The following VMP1 variants were observed in gnomAD, a reference collection of about 807,000 sequenced individuals.
The protein encoded by VMP1 is vacuole membrane protein 1.
In VMP1, 11 loss-of-function variants were observed where a neutral mutation model predicts 56.0. The observed-to-expected ratio is 0.20, with a 90% confidence interval of 0.12 to 0.32. VMP1 has a LOEUF of 0.32. VMP1 is among the 10% of genes least tolerant of loss of function. The pLI, the probability that VMP1 is intolerant of heterozygous loss-of-function variation, is 1.00. For missense variants in VMP1, 296 were observed against 490.3 expected, an observed-to-expected ratio of 0.60 and a Z score of 3.74; for synonymous variants, 149 against 165.0, an observed-to-expected ratio of 0.90 and a Z score of 0.74.
At chr17:59,791,993 C>G (rs1050267395) in intron 7 of VMP1, among the ~76,000 whole-genome samples, 1 of 151,968 alleles carries the variant, frequency 6.6e-6, no homozygotes, top group Non-Finnish European at 1.5e-5. Context: ...TTCTATTGGC[C>G]GGGTGCCATG....
At chr17:59,801,107 T>C (rs1451457277) in intron 7 of VMP1, among the ~76,000 whole-genome samples, 1 of 128,254 alleles carries the variant, frequency 7.8e-6, no homozygotes, top group African/African-American at 4.0e-5. Flanking sequence ...TATATATATA[T>C]ATATATGTGT....
chr17:59,830,592 G>T (rs896594130), intron 10 of VMP1, among the ~76,000 whole-genome samples: 1 of 152,074 alleles, frequency 6.6e-6, no homozygotes, highest in South Asian at 2.1e-4. Flanking sequence ...AGAGGCTATC[G>T]CCTCCTTACT....
intron 1 of VMP1, among the ~76,000 whole-genome samples, chr17:59,728,637 G>A (rs551835933): frequency 2.4e-4 from 37 of 151,966 alleles, no homozygotes; most frequent in Non-Finnish European, 4.4e-4. Flanking sequence ...CCAGGAGTTC[G>A]AGACCAGCCT....
At chr17:59,725,918 A>G (rs1381900034) in intron 1 of VMP1, among the ~76,000 whole-genome samples, 1 of 152,246 alleles carries the variant, frequency 6.6e-6, no homozygotes, top group East Asian at 1.9e-4. Flanking sequence ...ATAATTGTGC[A>G]ATACCATTGT....
chr17:59,767,184 T>A (rs2036263770), intron 6 of VMP1, among the ~76,000 whole-genome samples: 1 of 152,122 alleles, frequency 6.6e-6, no homozygotes, highest in Admixed American at 6.6e-5. Context: ...CCACTAACAA[T>A]TTCTTAGGAA....
chr17:59,724,228 A>G (rs1349622257), intron 1 of VMP1, among the ~76,000 whole-genome samples: 1 of 116,636 alleles, frequency 8.6e-6, no homozygotes, highest in Non-Finnish European at 1.8e-5. Context: ...AAAAAAAAAG[A>G]AAGAAAAGAA....
chr17:59,820,930 A>C (rs2038419280), intron 10 of VMP1, among the ~76,000 whole-genome samples: 1 of 151,532 alleles, frequency 6.6e-6, no homozygotes, highest in African/African-American at 2.4e-5. Context: ...GCTTAGGCCA[A>C]TGTGGTTAAG....
intron 7 of VMP1, 35 bp from the exon 8 acceptor site, chr17:59,808,757 CTACT>C: frequency 6.6e-7 from 1 of 1,517,162 alleles, no homozygotes; most frequent in Non-Finnish European, 9.1e-7. Flanking sequence ...CCTTCTTTTC[CTACT>C]TCTCATTAAT....
At chr17:59,819,934 C>T (rs2038381379) in intron 10 of VMP1, among the ~76,000 whole-genome samples, 1 of 152,118 alleles carries the variant, frequency 6.6e-6, no homozygotes, top group Admixed American at 6.5e-5. Context: ...CTTCTGTTTC[C>T]CCAGCCTTTG....
intron 10 of VMP1, among the ~76,000 whole-genome samples, chr17:59,833,797 A>G (rs761209386): frequency 1.8e-4 from 28 of 152,208 alleles, no homozygotes; most frequent in Non-Finnish European, 3.2e-4. Context: ...AATTATTTTG[A>G]AGGGAATCTA....
At chr17:59,809,978 A>G (rs2038000689) in intron 8 of VMP1, among the ~76,000 whole-genome samples, 1 of 152,150 alleles carries the variant, frequency 6.6e-6, no homozygotes. Context: ...ATTTAACCAA[A>G]TTAAACTACA....
At chr17:59,717,390 CTT>C (rs974823981) in intron 1 of VMP1, among the ~76,000 whole-genome samples, 1 of 151,126 alleles carries the variant, frequency 6.6e-6, no homozygotes, top group Non-Finnish European at 1.5e-5. Context: ...TTTCTAATCT[CTT>C]TTTTTTTGGA....
rs901613970 is a variant in VMP1, at chr17:59,842,243, G to T, written c.*2332G>T. On this transcript the variant is annotated 3_prime_UTR_variant, in exon 12 of 12. Coordinates refer to ENST00000262291, the MANE Select transcript of VMP1 (RefSeq NM_030938.5). ...AAAAAGAGGGCCTGGGAATTCTTGC[G>T]ATTCCATCTCTACTTTGTATAAGTC... The T allele has an allele frequency of 1.4e-4, 22 of 152,198 alleles. No individual in the cohort carries two copies. The highest frequency in any genetic ancestry group is 5.1e-4 in the African/African-American group (21 of 41,434). 9.4% of individuals were successfully genotyped at this position (152,198 alleles called of 1,614,324 possible).
chr17:59,752,672 A>G (rs748863942), intron 5 of VMP1, among the ~76,000 whole-genome samples: 3 of 152,174 alleles, frequency 2.0e-5, no homozygotes, highest in African/African-American at 7.2e-5. Context: ...GGTATGTTCA[A>G]TTCCTCTTAA....
chr17:59,710,844 G>A lies in VMP1; in HGVS notation c.-27+3096G>A, dbSNP rs537652995. 3.3e-5 allele frequency among the ~76,000 whole-genome samples: 5 copies of A among 152,292 alleles called. No individual in the cohort carries two copies. The South Asian group carries it at 1.0e-3, about 32-fold the overall frequency. ...CCAGCACTTTGGGAGGCCGAGGCGG[G>A]AAGATCACCTGAGATCAGGAGTTTG... On this transcript the variant is annotated intron_variant, in intron 1 of 11. Transcript: ENST00000262291.
intron 7 of VMP1, among the ~76,000 whole-genome samples, chr17:59,785,516 A>T (rs1019742885): frequency 6.6e-6 from 1 of 151,926 alleles, no homozygotes; most frequent in Non-Finnish European, 1.5e-5. Context: ...AAAATACAAA[A>T]TTTTTTGTAC....
chr17:59,776,591 C>A (rs1365678524), intron 7 of VMP1, among the ~76,000 whole-genome samples: 1 of 152,168 alleles, frequency 6.6e-6, no homozygotes, highest in Non-Finnish European at 1.5e-5. Flanking sequence ...TTAGTTGTTA[C>A]TTCCCAAATT....
chr17:59,733,552 A>C (rs1046761434), intron 2 of VMP1, among the ~76,000 whole-genome samples: 1 of 151,850 alleles, frequency 6.6e-6, no homozygotes, highest in Non-Finnish European at 1.5e-5. Flanking sequence ...ACAAAAAAAA[A>C]CTAGCCGGGC....
chr17:59,738,393 C>T (rs2035092873), intron 4 of VMP1, among the ~76,000 whole-genome samples: 1 of 152,102 alleles, frequency 6.6e-6, no homozygotes, highest in South Asian at 2.1e-4. Flanking sequence ...ACAGAAATGA[C>T]TCTAGAATGG....
Sources: allele counts gnomAD v4.1 joint callset (sites outside exome capture counted in the v4.1 genomes callset), GRCh38; gene constraint gnomAD v4.1.1; transcripts MANE v1.5; gene names NCBI Gene and HGNC (gene_info 2026-07-23, HGNC 2026-07-21).